GALNTL6: variants seen among roughly 807,000 people sequenced by gnomAD.
The protein encoded by GALNTL6 is polypeptide N-acetylgalactosaminyltransferase-like 6.
In GALNTL6, 46 loss-of-function variants were observed where a neutral mutation model predicts 73.7. The ratio of observed to expected loss-of-function variants is 0.62; its 90% CI spans 0.49 to 0.80. The LOEUF is 0.80. Among genes scored for constraint, GALNTL6 ranks in the 30% least tolerant of loss-of-function variants. GALNTL6 has a pLI of 0.00. For synonymous variants in GALNTL6, 259 were observed against 263.7 expected (o/e 0.98, Z 0.17); for missense variants, 604 against 755.0 (o/e 0.80, Z 2.34).
At chr4:172,549,094 T>A (rs1735872435) in intron 5 of GALNTL6, among the ~76,000 whole-genome samples, 1 of 152,212 alleles carries the variant, frequency 6.6e-6, no homozygotes, top group Non-Finnish European at 1.5e-5. Flanking sequence ...ATGCCCATAG[T>A]CATGTATCCA....
chr4:172,235,779 C>T (rs2110980738), intron 3 of GALNTL6, among the ~76,000 whole-genome samples: 1 of 152,188 alleles, frequency 6.6e-6, no homozygotes, highest in South Asian at 2.1e-4. Flanking sequence ...AGTTTTTCAA[C>T]ACTTGCCCAC....
At chr4:172,783,581 C>T (rs908278423) in intron 5 of GALNTL6, among the ~76,000 whole-genome samples, 5 of 150,944 alleles carry the variant, frequency 3.3e-5, no homozygotes, top group Admixed American at 6.6e-5. Flanking sequence ...CAAGTTCCCA[C>T]AAACTTAGTG....
intron 7 of GALNTL6, among the ~76,000 whole-genome samples, chr4:172,820,133 T>A (rs959329076): frequency 6.6e-6 from 1 of 152,200 alleles, no homozygotes; most frequent in East Asian, 1.9e-4. Flanking sequence ...ATCAAGCCTC[T>A]GTTCATAAAG....
intron 5 of GALNTL6, among the ~76,000 whole-genome samples, chr4:172,570,953 C>T (rs1425268282): frequency 1.3e-5 from 2 of 152,000 alleles, no homozygotes; most frequent in Non-Finnish European, 2.9e-5. Flanking sequence ...GGTTTGTGCT[C>T]GTATGAGCAT....
At chr4:172,760,380 C>A (rs1738013612) in intron 5 of GALNTL6, among the ~76,000 whole-genome samples, 1 of 152,122 alleles carries the variant, frequency 6.6e-6, no homozygotes, top group African/African-American at 2.4e-5. Flanking sequence ...AAGTAAAAGT[C>A]TTGGGTTGGA....
intron 5 of GALNTL6, among the ~76,000 whole-genome samples, chr4:172,537,370 G>A (rs1005733538): frequency 6.6e-6 from 1 of 152,180 alleles, no homozygotes; most frequent in Non-Finnish European, 1.5e-5. Context: ...CCTCCATGCT[G>A]TTCTCATGAT....
At chr4:172,712,344 A>G (rs1734756827) in intron 5 of GALNTL6, among the ~76,000 whole-genome samples, 1 of 152,126 alleles carries the variant, frequency 6.6e-6, no homozygotes, top group East Asian at 1.9e-4. Context: ...CAGAACGTGC[A>G]GGTTAGTTAC....
intron 4 of GALNTL6, among the ~76,000 whole-genome samples, chr4:172,336,105 C>G (rs528453176): frequency 1.3e-5 from 2 of 152,140 alleles, no homozygotes; most frequent in Admixed American, 1.3e-4. Context: ...TTCGTCTTAA[C>G]ACTGATTTTG....
At chr4:171,949,213 A>G (rs1319823221) in intron 2 of GALNTL6, among the ~76,000 whole-genome samples, 3 of 152,172 alleles carry the variant, frequency 2.0e-5, no homozygotes, top group African/African-American at 7.2e-5. Context: ...AGGGGAGCCC[A>G]CTACCAAAGG....
intron 5 of GALNTL6, among the ~76,000 whole-genome samples, chr4:172,805,444 C>A (rs1249887575): frequency 1.3e-5 from 2 of 152,124 alleles, no homozygotes; most frequent in Admixed American, 1.3e-4. Context: ...CACAGTGATA[C>A]AATAAGCCCT....
intron 10 of GALNTL6, among the ~76,000 whole-genome samples, chr4:172,984,488 T>C (rs1257294802): frequency 2.0e-5 from 3 of 152,196 alleles, no homozygotes; most frequent in Admixed American, 6.5e-5. Context: ...TTCAAGGTGA[T>C]ATTTTGGGGG....
At chr4:172,186,269 A>G (rs1026554883) in intron 2 of GALNTL6, among the ~76,000 whole-genome samples, 14 of 152,168 alleles carry the variant, frequency 9.2e-5, no homozygotes, top group African/African-American at 3.1e-4. Flanking sequence ...TAGCATGAAT[A>G]TAATTTTTAA....
At chr4:172,866,604 A>T (rs1408899515) in intron 7 of GALNTL6, among the ~76,000 whole-genome samples, 1 of 152,202 alleles carries the variant, frequency 6.6e-6, no homozygotes, top group African/African-American at 2.4e-5. Flanking sequence ...TCAGCATTAC[A>T]CACGGTCCCT....
intron 2 of GALNTL6, among the ~76,000 whole-genome samples, chr4:171,884,949 C>A (rs555399553): frequency 2.0e-5 from 3 of 151,416 alleles, no homozygotes; most frequent in Admixed American, 1.3e-4. Flanking sequence ...CCCAGCTACT[C>A]GGAAGGCTGA....
intron 5 of GALNTL6, among the ~76,000 whole-genome samples, chr4:172,389,242 A>G (rs1172857331): frequency 1.3e-5 from 2 of 152,016 alleles, no homozygotes; most frequent in Non-Finnish European, 2.9e-5. Context: ...CCCAACTAGG[A>G]TAAAATTTAT....
At chr4:172,172,935 T>C (rs977774933) in intron 2 of GALNTL6, among the ~76,000 whole-genome samples, 43 of 152,188 alleles carry the variant, frequency 2.8e-4, no homozygotes, top group African/African-American at 9.4e-4. Context: ...GTGTCTGGTT[T>C]CTGGGAGAAT....
intron 10 of GALNTL6, among the ~76,000 whole-genome samples, chr4:172,974,820 A>G (rs1295179080): frequency 1.3e-5 from 2 of 152,220 alleles, no homozygotes; most frequent in Non-Finnish European, 2.9e-5. Flanking sequence ...AGGCAGCTCC[A>G]GGCACCGGCA....
At chr4:171,856,410 C>G (rs1478182148) in intron 2 of GALNTL6, among the ~76,000 whole-genome samples, 2 of 152,054 alleles carry the variant, frequency 1.3e-5, no homozygotes, top group Non-Finnish European at 2.9e-5. Context: ...CCACCCCACC[C>G]TGCTGAGACA....
chr4:172,769,908 C>T (rs185904176), intron 5 of GALNTL6, among the ~76,000 whole-genome samples: 31 of 152,210 alleles, frequency 2.0e-4, no homozygotes, highest in African/African-American at 5.8e-4. Context: ...ACTATTTAAC[C>T]GGTTTGACCC....
Sources: allele counts gnomAD v4.1 joint callset (sites outside exome capture counted in the v4.1 genomes callset), GRCh38; gene constraint gnomAD v4.1.1; transcripts MANE v1.5; gene names NCBI Gene and HGNC (gene_info 2026-07-23, HGNC 2026-07-21).